SHROOM3: variants seen among roughly 807,000 people sequenced by gnomAD.
SHROOM3 encodes shroom family member 3, also known as protein Shroom3.
Under a neutral mutation model 138.6 loss-of-function variants are expected in SHROOM3, and 47 were observed. That is an observed-to-expected ratio of 0.34 (90% CI 0.27 to 0.43). The LOEUF is 0.43. SHROOM3 is among the 20% of genes least tolerant of loss of function. The probability of loss-of-function intolerance (pLI) is 1.00; values close to 1 mark genes in which losing one functional copy is unlikely to be tolerated. For missense variants in SHROOM3, 2,491 were observed against 2,596.5 expected (o/e 0.96, Z 0.88); for synonymous variants, 1,062 against 1,063.3 (o/e 1.00, Z 0.02).
chr4:76,704,627 T>C (rs1169385000), intron 2 of SHROOM3, among the ~76,000 whole-genome samples: 2 of 151,926 alleles, frequency 1.3e-5, no homozygotes, highest in African/African-American at 2.4e-5. Flanking sequence ...AGGGGAAAGG[T>C]TGAAGGAGGG....
intron 10 of SHROOM3, 88 bp downstream of exon 10, chr4:76,770,986 A>G (rs1360034988): frequency 4.5e-6 from 7 of 1,545,384 alleles, no homozygotes; most frequent in Middle Eastern, 1.7e-4. Context: ...CCTTTCTCTC[A>G]GGAAGATTTG....
At chr4:76,667,804 T>A (rs979155488) in intron 2 of SHROOM3, among the ~76,000 whole-genome samples, 1 of 150,494 alleles carries the variant, frequency 6.6e-6, no homozygotes. Context: ...CCGCCTCTAC[T>A]AAAATACAAA....
intron 2 of SHROOM3, among the ~76,000 whole-genome samples, chr4:76,609,261 C>T (rs1040037355): frequency 6.6e-6 from 1 of 152,164 alleles, no homozygotes; most frequent in Admixed American, 6.5e-5. Context: ...ACATCATAGT[C>T]CATATAGACA....
At chr4:76,596,444 A>T (rs1228116295) in intron 2 of SHROOM3, among the ~76,000 whole-genome samples, 1 of 152,172 alleles carries the variant, frequency 6.6e-6, no homozygotes, top group Non-Finnish European at 1.5e-5. Flanking sequence ...TGTGTATAAC[A>T]TCTGGGTTTG....
intron 3 of SHROOM3, among the ~76,000 whole-genome samples, chr4:76,718,480 G>T (rs1472293987): frequency 1.3e-5 from 2 of 152,118 alleles, no homozygotes; most frequent in Non-Finnish European, 2.9e-5. Flanking sequence ...TTTTAATGAA[G>T]TTTCTTTGCC....
At chr4:76,721,874 G>A (rs1159578172) in intron 3 of SHROOM3, among the ~76,000 whole-genome samples, 1 of 152,202 alleles carries the variant, frequency 6.6e-6, no homozygotes, top group Non-Finnish European at 1.5e-5. Context: ...AGGAATACCA[G>A]AAGTAAATAT....
At chr4:76,498,823 C>T (rs1047451929) in intron 1 of SHROOM3, among the ~76,000 whole-genome samples, 2 of 152,068 alleles carry the variant, frequency 1.3e-5, no homozygotes, top group Non-Finnish European at 2.9e-5. Context: ...TATGCAAACA[C>T]AAATTACACT....
At chr4:76,467,642 C>T (rs954589853) in intron 1 of SHROOM3, among the ~76,000 whole-genome samples, 1 of 152,132 alleles carries the variant, frequency 6.6e-6, no homozygotes, top group Admixed American at 6.5e-5. Flanking sequence ...AGTCTGAGAG[C>T]CCCTTACAAG....
chr4:76,579,746 G>A (rs2110042768), intron 2 of SHROOM3, among the ~76,000 whole-genome samples: 1 of 152,316 alleles, frequency 6.6e-6, no homozygotes, highest in South Asian at 2.1e-4. Flanking sequence ...CAGCATTTGA[G>A]TTTGCCAGCC....
At chr4:76,531,229 C>T (rs200615755) in intron 1 of SHROOM3, among the ~76,000 whole-genome samples, 2 of 152,136 alleles carry the variant, frequency 1.3e-5, no homozygotes, top group East Asian at 3.8e-4. Flanking sequence ...TGTCCTGTGT[C>T]CCAACACCAG....
chr4:76,655,783 G>A (rs1273878758), intron 2 of SHROOM3, among the ~76,000 whole-genome samples: 1 of 152,146 alleles, frequency 6.6e-6, no homozygotes, highest in South Asian at 2.1e-4. Context: ...ACCTGTGATG[G>A]CTCCAAAGGC....
At chr4:76,442,428 G>T (rs1730710947) in intron 1 of SHROOM3, among the ~76,000 whole-genome samples, 2 of 68,454 alleles carry the variant, frequency 2.9e-5, no homozygotes, top group African/African-American at 5.1e-5. Flanking sequence ...TTTTTTTTTG[G>T]AGACAGAGTC....
chr4:76,740,673 T>C lies in SHROOM3; in HGVS notation c.2500T>C (p.Phe834Leu). Residue 834 changes from phenylalanine (F) to leucine (L), a missense_variant, in exon 5 of 11, where the codon TTC becomes CTC. Physicochemically the swap from Phe to Leu is conservative, Grantham distance 22. Coordinates refer to ENST00000296043, the MANE Select transcript of SHROOM3 (RefSeq NM_020859.4). The surrounding 1 kb of genome is among the most constrained non-coding windows in gnomAD (Gnocchi z 4.0). ...CGAGGAGACAAAAGCACACATTCGT[T>C]TCTCTGAGTCAGCTGAACCCCTAGG... is the stretch of plus-strand genomic sequence containing the variant. Reference protein sequence around the residue: ...DFEETKAHIRFSESAEPLGNG... With the variant: ...DFEETKAHIRLSESAEPLGNG... 1 of 1,614,082 alleles carries C rather than the reference T, an allele frequency of 6.2e-7. No individual in the cohort carries two copies. Among genetic ancestry groups the C allele is most frequent in the Non-Finnish European group, 8.5e-7 (1 of 1,180,020 alleles).
intron 5 of SHROOM3, among the ~76,000 whole-genome samples, chr4:76,743,589 C>A (rs183423224): frequency 5.2e-4 from 79 of 152,268 alleles, no homozygotes; most frequent in Non-Finnish European, 7.9e-4. Flanking sequence ...CTTCTATTTT[C>A]TTCTCCTTTA....
chr4:76,561,808 G>A (rs112653294), intron 2 of SHROOM3, among the ~76,000 whole-genome samples: 2 of 151,728 alleles, frequency 1.3e-5, no homozygotes, highest in South Asian at 2.1e-4. Context: ...TCAGGAGTTC[G>A]AGACCAGCCT....
chr4:76,484,443 C>T (rs1731686150), intron 1 of SHROOM3, among the ~76,000 whole-genome samples: 1 of 151,950 alleles, frequency 6.6e-6, no homozygotes, highest in African/African-American at 2.4e-5. Flanking sequence ...TGGTGTCTCA[C>T]ACCTGTAGTC....
intron 2 of SHROOM3, among the ~76,000 whole-genome samples, chr4:76,667,338 T>A (rs1718724225): frequency 6.6e-6 from 1 of 152,146 alleles, no homozygotes; most frequent in Non-Finnish European, 1.5e-5. Context: ...TCGTTTTTTT[T>A]AGACAGGTTC....
rs541292481 is a variant in SHROOM3 at position 76,622,679 on chromosome 4, G to A, written c.323+66916G>A. Among the ~76,000 whole-genome samples, 34 of 152,112 alleles carry A rather than the reference G, an allele frequency of 2.2e-4. No homozygotes were observed. In the South Asian group the frequency reaches 5.6e-3, roughly 25 times the overall value. ...TCCTTGGTTGAAGAAAGGAGGCCAC[G>A]GGGAAGTAATTCCACCAAGAAAGTA... On this transcript the variant is annotated intron_variant, in intron 2 of 10. Coordinates refer to ENST00000296043, the MANE Select transcript of SHROOM3 (RefSeq NM_020859.4).
intron 1 of SHROOM3, among the ~76,000 whole-genome samples, chr4:76,555,169 C>T (rs1406729571): frequency 2.6e-5 from 4 of 151,974 alleles, no homozygotes; most frequent in African/African-American, 9.7e-5. Flanking sequence ...ACGCCAAAAC[C>T]ATCCGCCCAC....
Sources: gnomAD v4.1 joint callset for allele counts (sites outside exome capture counted in the v4.1 genomes callset) on GRCh38, gnomAD v4.1.1 for gene constraint, Gnocchi (gnomAD v3.1) non-coding constraint, MANE v1.5 for transcripts, NCBI Gene and HGNC (gene_info 2026-07-23, HGNC 2026-07-21) for gene names.